KCND2: variants seen among roughly 807,000 people sequenced by gnomAD.
KCND2 encodes the protein A-type voltage-gated potassium channel KCND2.
Under a neutral mutation model 54.4 loss-of-function variants are expected in KCND2, and 16 were observed. That is an observed-to-expected ratio of 0.29 (90% CI 0.20 to 0.45). KCND2 has a LOEUF of 0.45. Among genes scored for constraint, KCND2 ranks in the 20% least tolerant of loss-of-function variants. KCND2 has a pLI of 1.00. For missense variants in KCND2, 486 were observed against 824.2 expected, an observed-to-expected ratio of 0.59 and a Z score of 5.02; for synonymous variants, 317 against 310.7, an observed-to-expected ratio of 1.02 and a Z score of -0.21.
At chr7:120,518,040 C>A (rs1167163387) in intron 1 of KCND2, among the ~76,000 whole-genome samples, 5 of 152,068 alleles carry the variant, frequency 3.3e-5, no homozygotes, top group African/African-American at 9.7e-5. Context: ...CAAGATTATA[C>A]AGTTATTCAT....
intron 1 of KCND2, among the ~76,000 whole-genome samples, chr7:120,688,478 A>G (rs1001439531): frequency 2.4e-4 from 37 of 152,162 alleles, no homozygotes; most frequent in African/African-American, 8.7e-4. Context: ...AGAAGGACCA[A>G]CTTCACCCAC....
intron 1 of KCND2, among the ~76,000 whole-genome samples, chr7:120,283,903 A>G (rs1297808911): frequency 6.6e-6 from 1 of 152,174 alleles, no homozygotes; most frequent in African/African-American, 2.4e-5. Context: ...TTGCCATAGG[A>G]TATGTATTTT....
intron 2 of KCND2, among the ~76,000 whole-genome samples, chr7:120,740,451 T>C (rs1792926653): frequency 1.3e-5 from 2 of 152,098 alleles, no homozygotes; most frequent in Admixed American, 1.3e-4. Context: ...AGGAAACTTA[T>C]CTAAGCCATC....
At chr7:120,350,687 T>C (rs565950415) in intron 1 of KCND2, among the ~76,000 whole-genome samples, 2 of 152,326 alleles carry the variant, frequency 1.3e-5, no homozygotes, top group South Asian at 2.1e-4. Context: ...ATATTTTGCT[T>C]ATAGCACATC....
intron 1 of KCND2, among the ~76,000 whole-genome samples, chr7:120,637,925 A>G (rs1793324908): frequency 6.6e-6 from 1 of 152,132 alleles, no homozygotes; most frequent in Non-Finnish European, 1.5e-5. Flanking sequence ...AAAATAAAGT[A>G]TAAAGAAACC....
intron 1 of KCND2, among the ~76,000 whole-genome samples, chr7:120,584,547 A>G (rs531656132): frequency 2.6e-5 from 4 of 152,362 alleles, no homozygotes; most frequent in Non-Finnish European, 4.4e-5. Context: ...AAACAGGTAC[A>G]TGGGGAGCAT....
intron 1 of KCND2, among the ~76,000 whole-genome samples, chr7:120,357,341 C>G (rs1321952379): frequency 6.6e-6 from 1 of 152,066 alleles, no homozygotes; most frequent in Admixed American, 6.6e-5. Flanking sequence ...ACTCCCAAGT[C>G]AAAATTATTT....
intron 5 of KCND2, 21 bp from the exon 6 acceptor site, chr7:120,747,660 A>G: frequency 1.3e-6 from 2 of 1,588,024 alleles, no homozygotes; most frequent in Non-Finnish European, 1.7e-6. Flanking sequence ...TTACTTTCCT[A>G]AATATTTTTT....
At chr7:120,721,223 A>G (rs1210474237) in intron 1 of KCND2, among the ~76,000 whole-genome samples, 2 of 152,148 alleles carry the variant, frequency 1.3e-5, no homozygotes, top group African/African-American at 2.4e-5. Context: ...ACCACAGGGC[A>G]TATTCATACA....
intron 1 of KCND2, among the ~76,000 whole-genome samples, chr7:120,333,054 T>C (rs1377122409): frequency 6.6e-6 from 1 of 152,116 alleles, no homozygotes; most frequent in Non-Finnish European, 1.5e-5. Context: ...GAATTTGTCT[T>C]CATGACATTC....
chr7:120,482,660 C>T (rs1802623145), intron 1 of KCND2, among the ~76,000 whole-genome samples: 1 of 152,094 alleles, frequency 6.6e-6, no homozygotes, highest in African/African-American at 2.4e-5. Context: ...CATGCGCTTG[C>T]TTCTTCCTCT....
At position 120,283,709 on chromosome 7, in the gene KCND2, T is replaced by C. The variant is rs564794882; in HGVS notation, c.1115+7962T>C. On this transcript the variant is annotated intron_variant, in intron 1 of 5. Transcript: ENST00000331113. Reference sequence around the variant, plus strand: ...TTCTTTTGAATATAGATTTGCATACTTAATAGTTGTCAATTGTAATATTAG... The same window carrying C: ...TTCTTTTGAATATAGATTTGCATACCTAATAGTTGTCAATTGTAATATTAG... 2.0e-5 allele frequency among the ~76,000 whole-genome samples: 3 copies of C among 152,290 alleles called. No homozygotes were observed. The South Asian group carries it at 6.2e-4, about 32-fold the overall frequency.
chr7:120,412,889 A>T (rs913677592), intron 1 of KCND2, among the ~76,000 whole-genome samples: 4 of 152,076 alleles, frequency 2.6e-5, no homozygotes, highest in Non-Finnish European at 5.9e-5. Flanking sequence ...TAAAGTCTAC[A>T]GCTTCCAGGA....
At chr7:120,733,306 C>T (rs538608294) in intron 2 of KCND2, among the ~76,000 whole-genome samples, 14 of 152,190 alleles carry the variant, frequency 9.2e-5, no homozygotes, top group Admixed American at 9.2e-4. Context: ...TCCATCTTGA[C>T]AGTGTACTTC....
intron 1 of KCND2, among the ~76,000 whole-genome samples, chr7:120,286,907 G>A (rs1237396741): frequency 2.0e-5 from 3 of 152,052 alleles, no homozygotes; most frequent in African/African-American, 7.2e-5. Flanking sequence ...GTGACAGAAA[G>A]TGATGGAGAA....
chr7:120,712,474 T>C (rs1022826882), intron 1 of KCND2, among the ~76,000 whole-genome samples: 9 of 151,468 alleles, frequency 5.9e-5, no homozygotes, highest in Non-Finnish European at 1.2e-4. Flanking sequence ...TTGCCTTGGC[T>C]GATCTTGAAC....
chr7:120,712,241 A>ATTTTTTTTTT lies in KCND2; in HGVS notation c.1116-20631_1116-20622dup, dbSNP rs869059871. Among the ~76,000 whole-genome samples the ATTTTTTTTTT allele has an allele frequency of 1.0e-3, 36 of 34,786 alleles. 8 individuals are homozygous for ATTTTTTTTTT. The highest frequency in any genetic ancestry group is 1.4e-3 in the Non-Finnish European group (26 of 18,962). 22.8% of individuals were successfully genotyped at this position (34,786 alleles called of 152,430 possible). A position where few individuals can be genotyped will look rare whatever the true frequency, so the allele number is the denominator to read the frequency against. ...TTTTCTTTGAATTTTGGATATCTGA[A>ATTTTTTTTTT]TTTTTTTTTTTTTTTTTTTTTTTTT... On this transcript the variant is annotated intron_variant, in intron 1 of 5. Coordinates refer to ENST00000331113, the MANE Select transcript of KCND2 (RefSeq NM_012281.3).
intron 1 of KCND2, among the ~76,000 whole-genome samples, chr7:120,298,432 G>T (rs1183400668): frequency 6.6e-6 from 1 of 152,128 alleles, no homozygotes; most frequent in Non-Finnish European, 1.5e-5. Flanking sequence ...TTGACCAACT[G>T]TACTTTTCAG....
chr7:120,465,552 G>A (rs1293332790), intron 1 of KCND2, among the ~76,000 whole-genome samples: 1 of 152,128 alleles, frequency 6.6e-6, no homozygotes, highest in Non-Finnish European at 1.5e-5. Flanking sequence ...TAGAGAAGAA[G>A]AAAGTGGCAA....
Sources: allele counts gnomAD v4.1 joint callset (sites outside exome capture counted in the v4.1 genomes callset), GRCh38; gene constraint gnomAD v4.1.1; transcripts MANE v1.5; gene names NCBI Gene and HGNC (gene_info 2026-07-23, HGNC 2026-07-21).